The following SYT1 variants were observed in gnomAD, a reference collection of about 807,000 sequenced individuals.
The protein encoded by SYT1 is synaptotagmin 1.
SYT1 carries 8 observed loss-of-function variants against 44.8 expected under a neutral mutation model. The observed-to-expected ratio is 0.18, with a 90% CI of 0.10 to 0.32. The LOEUF (loss-of-function observed/expected upper bound fraction) is 0.32. Among genes scored for constraint, SYT1 ranks in the 10% least tolerant of loss-of-function variants. The probability of loss-of-function intolerance (pLI) is 1.00; values close to 1 mark genes in which losing one functional copy is unlikely to be tolerated. For synonymous variants in SYT1, 154 were observed against 188.8 expected (o/e 0.82, Z 1.51); for missense variants, 286 against 509.3 (o/e 0.56, Z 4.22).
At chr12:79,033,414 C>G (rs147793214) in intron 2 of SYT1, among the ~76,000 whole-genome samples, 2 of 151,404 alleles carry the variant, frequency 1.3e-5, no homozygotes, top group Non-Finnish European at 3.0e-5. Flanking sequence ...AATTACATTA[C>G]TTTAAAAACA....
intron 2 of SYT1, among the ~76,000 whole-genome samples, chr12:79,012,354 A>G (rs1428788009): frequency 1.3e-5 from 2 of 152,104 alleles, no homozygotes; most frequent in African/African-American, 4.8e-5. Context: ...ACAACTGTGG[A>G]CTAGACACTG....
At chr12:79,313,617 AAC>A (rs1355738074) in intron 8 of SYT1, among the ~76,000 whole-genome samples, 5 of 148,124 alleles carry the variant, frequency 3.4e-5, no homozygotes, top group African/African-American at 1.0e-4. Flanking sequence ...AAAAAAAAAA[AAC>A]AAAATAAAAG....
chr12:79,059,937 T>C (rs1875250799), intron 3 of SYT1, among the ~76,000 whole-genome samples: 1 of 152,146 alleles, frequency 6.6e-6, no homozygotes, highest in Non-Finnish European at 1.5e-5. Flanking sequence ...CTTATATATT[T>C]TGAGCCAGAT....
At chr12:79,216,536 G>C (rs1874817067) in intron 3 of SYT1, among the ~76,000 whole-genome samples, 3 of 152,140 alleles carry the variant, frequency 2.0e-5, no homozygotes, top group Non-Finnish European at 4.4e-5. Flanking sequence ...AAAAATCCAG[G>C]AAGGGCAGGT....
At chr12:79,314,867 T>C (rs1370289997) in intron 8 of SYT1, among the ~76,000 whole-genome samples, 2 of 152,140 alleles carry the variant, frequency 1.3e-5, no homozygotes, top group Non-Finnish European at 2.9e-5. Context: ...ATCCATACAA[T>C]AGAAAATTAC....
chr12:79,138,761 A>G (rs1463936702), intron 3 of SYT1, among the ~76,000 whole-genome samples: 3 of 152,126 alleles, frequency 2.0e-5, no homozygotes, highest in African/African-American at 7.2e-5. Flanking sequence ...CCCTTTTTGT[A>G]TATTTACATG....
chr12:79,013,943 T>C (rs1871600639), intron 2 of SYT1, among the ~76,000 whole-genome samples: 1 of 151,738 alleles, frequency 6.6e-6, no homozygotes, highest in African/African-American at 2.4e-5. Flanking sequence ...CTGGCCAACA[T>C]GGTGAAACCC....
At chr12:79,047,819 T>C (rs2137770770) in intron 3 of SYT1, among the ~76,000 whole-genome samples, 1 of 152,022 alleles carries the variant, frequency 6.6e-6, no homozygotes, top group South Asian at 2.1e-4. Flanking sequence ...AGGCTTAAAA[T>C]CTACACCATA....
At chr12:79,149,136 T>C (rs557206503) in intron 3 of SYT1, among the ~76,000 whole-genome samples, 13 of 152,182 alleles carry the variant, frequency 8.5e-5, no homozygotes, top group African/African-American at 2.9e-4. Context: ...AAATCTAGAT[T>C]TATTTTTTTA....
chr12:78,964,152 T>G (rs1288425192), intron 1 of SYT1: 1 of 152,090 alleles, frequency 6.6e-6, no homozygotes, highest in Non-Finnish European at 1.5e-5. Context: ...GGCACAAAGG[T>G]AAGTCCCAAA....
At chr12:78,934,064 A>G (rs1031065204) in intron 1 of SYT1, among the ~76,000 whole-genome samples, 1 of 152,054 alleles carries the variant, frequency 6.6e-6, no homozygotes, top group East Asian at 1.9e-4. Context: ...TGAACCACAG[A>G]TAGTAGTAAA....
At chr12:79,308,861 C>T (rs1880616177) in intron 8 of SYT1, among the ~76,000 whole-genome samples, 1 of 152,100 alleles carries the variant, frequency 6.6e-6, no homozygotes, top group Non-Finnish European at 1.5e-5. Flanking sequence ...CAACAGTAAA[C>T]GATATTTGGA....
chr12:78,874,804 G>A (rs983912771), intron 1 of SYT1, among the ~76,000 whole-genome samples: 1 of 151,626 alleles, frequency 6.6e-6, no homozygotes, highest in African/African-American at 2.4e-5. Flanking sequence ...ATAATTTAAC[G>A]ACTGGTATGA....
intron 1 of SYT1, among the ~76,000 whole-genome samples, chr12:78,908,586 T>G (rs1271338461): frequency 1.3e-5 from 2 of 151,920 alleles, no homozygotes; most frequent in African/African-American, 2.4e-5. Flanking sequence ...TGATCAGTAC[T>G]TAAAGCCAAG....
intron 8 of SYT1, among the ~76,000 whole-genome samples, chr12:79,324,177 C>A (rs1881502022): frequency 6.6e-6 from 1 of 151,980 alleles, no homozygotes; most frequent in African/African-American, 2.4e-5. Context: ...GTCTCAAACT[C>A]CTGACCTTGT....
intron 1 of SYT1, among the ~76,000 whole-genome samples, chr12:78,962,469 A>G (rs1447016559): frequency 1.3e-5 from 2 of 152,024 alleles, no homozygotes; most frequent in Non-Finnish European, 2.9e-5. Context: ...GTACTAGAAA[A>G]CTATCTCAAT....
intron 3 of SYT1, among the ~76,000 whole-genome samples, chr12:79,183,510 A>G (rs1486090637): frequency 2.6e-5 from 4 of 152,018 alleles, no homozygotes; most frequent in African/African-American, 7.2e-5. Context: ...GCTACCCCCA[A>G]CCACCAAAGA....
chr12:78,895,517 A>C (rs17045882), intron 1 of SYT1, among the ~76,000 whole-genome samples: 12,242 of 151,820 alleles, frequency 0.081, 581 homozygotes, highest in African/African-American at 0.13. Context: ...ATTTTCATTT[A>C]TTTGTGATAA....
chr12:79,183,663 G>T lies in SYT1; in HGVS notation c.-17-33840G>T, dbSNP rs140352367. ...CACAGCCCCTCTCCTCCCTCTTACC[G>T]TATAGATGGTCCTTTCAAGCTAATT... On this transcript the variant is annotated intron_variant, in intron 3 of 10. Transcript: ENST00000261205. 7.2e-5 allele frequency among the ~76,000 whole-genome samples: 11 copies of T among 152,086 alleles called. No individual in the cohort carries two copies. The East Asian group carries it at 2.1e-3, about 30-fold the overall frequency.
Sources: gnomAD v4.1 joint callset for allele counts (sites outside exome capture counted in the v4.1 genomes callset) on GRCh38, gnomAD v4.1.1 for gene constraint, MANE v1.5 for transcripts, NCBI Gene and HGNC (gene_info 2026-07-23, HGNC 2026-07-21) for gene names.